The following ETV4 variants were observed in gnomAD, a reference collection of about 807,000 sequenced individuals.
ETV4 encodes ETS variant transcription factor 4.
Under a neutral mutation model 65.9 loss-of-function variants are expected in ETV4, and 42 were observed. The ratio of observed to expected loss-of-function variants is 0.64; its 90% confidence interval spans 0.50 to 0.82. The LOEUF (loss-of-function observed/expected upper bound fraction) is 0.82. Ranked by LOEUF, ETV4 falls within the 40% of genes least tolerant of loss-of-function variation. The pLI, the probability that ETV4 is intolerant of heterozygous loss-of-function variation, is 0.00. For missense variants in ETV4, 583 were observed against 630.3 expected (o/e 0.92, Z 0.80); for synonymous variants, 238 against 260.0 (o/e 0.92, Z 0.81).
chr17:43,533,469 G>T, intron 6 of ETV4, 121 bp from the exon 7 acceptor site: 1 of 968,370 alleles, frequency 1.0e-6, no homozygotes, highest in Non-Finnish European at 1.5e-6. Context: ...AGAGGGGGCT[G>T]AGAAGGGAAC....
intron 4 of ETV4, 138 bp from the exon 5 acceptor site, chr17:43,536,617 G>T: frequency 1.5e-6 from 1 of 677,990 alleles, no homozygotes; most frequent in South Asian, 1.7e-5. Flanking sequence ...CACATTGTAA[G>T]AATTGTCTTG....
rs1971709296 is a variant in ETV4 at position 43,544,677 on chromosome 17, A to C, written c.202+298T>G. Reference sequence around the variant, plus strand: ...ACAAATGAAAATTTCAACCAGGAAAATGGGCCTGGGGCCAAGTTCCATTCA... The same window carrying C: ...ACAAATGAAAATTTCAACCAGGAAACTGGGCCTGGGGCCAAGTTCCATTCA... On this transcript the variant is annotated intron_variant, in intron 4 of 12. Transcript: ENST00000319349. 9 of 284,618 alleles carry C rather than the reference A, an allele frequency of 3.2e-5. No individual in the cohort carries two copies. The South Asian group carries it at 7.6e-4, about 24-fold the overall frequency. The allele number at this position is 284,618 out of a possible 1,614,324, so 17.6% of individuals were successfully genotyped here. A position where few individuals can be genotyped will look rare whatever the true frequency, so the allele number is the denominator to read the frequency against.
chr17:43,529,394 T>A, intron 11 of ETV4, 110 bp downstream of exon 11: 1 of 1,433,812 alleles, frequency 7.0e-7, no homozygotes, highest in Non-Finnish European at 9.6e-7. Context: ...AGAATTCAGG[T>A]TAGGTAAAGC....
chr17:43,534,110 GTATC>G, intron 5 of ETV4, 125 bp from the exon 6 acceptor site: 1 of 1,087,910 alleles, frequency 9.2e-7, no homozygotes, highest in Non-Finnish European at 1.2e-6. Flanking sequence ...CCCTCTCTGG[GTATC>G]AATTTTCTGA....
chr17:43,545,931 GA>G, intron 1 of ETV4: 2 of 502,700 alleles, frequency 4.0e-6, no homozygotes, highest in East Asian at 3.7e-5. Context: ...GGTTACATAA[GA>G]ACGTGTGTGT....
intron 5 of ETV4, among the ~76,000 whole-genome samples, chr17:43,534,382 T>G (rs1463341889): frequency 6.6e-6 from 1 of 151,942 alleles, no homozygotes; most frequent in Non-Finnish European, 1.5e-5. Flanking sequence ...TAGTCCCAGC[T>G]ACTCAGGAGG....
intron 3 of ETV4, 25 bp downstream of exon 3, chr17:43,545,249 G>T: frequency 2.1e-6 from 3 of 1,404,288 alleles, no homozygotes; most frequent in Non-Finnish European, 3.0e-6. Flanking sequence ...GAGGAGGGTC[G>T]CGGTTTGTCT....
rs1363687995 is a variant in ETV4, at chr17:43,529,924, T to C, written c.915A>G (p.Pro305=). ...GGACAACGCAGACATCATCTGGGAA[T>C]GGTCGCAGAGGTTTCTCATAGCCAT... is the stretch of plus-strand genomic sequence containing the variant. ...MGYGYEKPLR[P]FPDDVCVVPE... Residue 305 remains proline, a synonymous_variant, in exon 10 of 13, where the codon CCA becomes CCG. Coordinates refer to ENST00000319349, the MANE Select transcript of ETV4 (RefSeq NM_001079675.5). The C allele has an allele frequency of 6.2e-7, 1 of 1,614,110 alleles. No individual in the cohort carries two copies. Among genetic ancestry groups the C allele is most frequent in the South Asian group, 1.1e-5 (1 of 91,084 alleles).
Position 43,545,686 on chromosome 17 carries a change from T to C in ETV4, c.-51-18A>G, listed in dbSNP as rs971795442. ...GCCGAGACCTGGTGGGGGAGGGGGC[T>C]GCGTTCGCACACCGTCCAGGGAGGG... On this transcript the variant is annotated intron_variant, in intron 1 of 12. Transcript: ENST00000319349. The C allele has an allele frequency of 1.8e-5, 24 of 1,359,170 alleles. No individual in the cohort carries two copies. The African/African-American group carries it at 3.2e-4, about 18-fold the overall frequency. The allele number at this position is 1,359,170 out of a possible 1,614,324, so 84.2% of individuals were successfully genotyped here.
Position 43,528,721 on chromosome 17 carries a change from T to C in ETV4, c.1253A>G (p.Tyr418Cys). 6.2e-7 allele frequency: 1 copy of C among 1,614,108 alleles called. No homozygotes were observed. The highest frequency in any genetic ancestry group is 8.5e-7 in the Non-Finnish European group (1 of 1,180,006). Residue 418 changes from tyrosine to cysteine, a missense_variant, in exon 13 of 13, where the codon TAC becomes TGC. Tyr to Cys is a radical substitution (Grantham distance 194). Transcript: ENST00000319349. ...GGCCTCGGGCTCACACACAAACTTG[T>C]ACACGTAACGCTCACCAGCCACCTA... ...MQKVAGERYVYKFVCEPEALF... is the reference protein window; with the variant it reads ...MQKVAGERYVCKFVCEPEALF...
At chr17:43,529,982 T>G (rs372672077) in intron 9 of ETV4, 30 bp from the exon 10 acceptor site, 1 of 1,613,828 alleles carries the variant, frequency 6.2e-7, no homozygotes, top group African/African-American at 1.3e-5. Flanking sequence ...GTTGCTCAGA[T>G]CTGGGGGTTC....
chr17:43,533,240 T>A lies in ETV4; in HGVS notation c.492A>T (p.Arg164Ser). The change falls in exon 7 of 13, where the codon AGA becomes AGT. Residue 164 changes from arginine to serine, a missense_variant. Transcript: ENST00000319349. ...GGTGGGGCTGGGAGGTGCCAGAGGA[T>A]CTCAGGAAATTCCGTTGCTCTGCCC... ...FPRAEQRNFL[R>S]SSGTSQPHPG... 6.2e-7 allele frequency: 1 copy of A among 1,613,756 alleles called. No individual in the cohort carries two copies. The highest frequency in any genetic ancestry group is 1.7e-5 in the Admixed American group (1 of 59,998).
chr17:43,532,786 CAGGG>C lies in ETV4; in HGVS notation c.695_698del (p.Pro232ArgfsTer26), dbSNP rs1441985504. 1 of 1,614,012 alleles carries C rather than the reference CAGGG, an allele frequency of 6.2e-7. No individual in the cohort carries two copies. Among genetic ancestry groups the C allele is most frequent in the East Asian group, 2.2e-5 (1 of 44,836 alleles). On this transcript the variant is annotated frameshift_variant, in exon 8 of 13. Transcript: ENST00000319349. LOFTEE classifies it high-confidence loss of function. ...CGGCTGGCTGGCCCGCCTGTTCATA[CAGGG>C]GATCATGGTATTCTTGCTTAAAGCT...
At chr17:43,530,578 C>T (rs1192225873) in intron 8 of ETV4, 11 of 455,538 alleles carry the variant, frequency 2.4e-5, no homozygotes, top group Non-Finnish European at 3.9e-5. Flanking sequence ...GTCCGGTCAG[C>T]AGGTCAGGTT....
chr17:43,536,540 C>G, intron 4 of ETV4, 61 bp from the exon 5 acceptor site: 1 of 1,468,796 alleles, frequency 6.8e-7, no homozygotes, highest in Non-Finnish European at 9.5e-7. Flanking sequence ...TGGGAGGCTC[C>G]ATTATTACAG....
Position 43,528,091 on chromosome 17 carries a change from A to G in ETV4, c.*428T>C, listed in dbSNP as rs1970674650. The G allele has an allele frequency of 4.2e-6, 1 of 236,258 alleles. No homozygotes were observed. The highest frequency in any genetic ancestry group is 8.3e-6 in the Non-Finnish European group (1 of 120,128). 14.6% of individuals were successfully genotyped at this position (236,258 alleles called of 1,614,324 possible). On this transcript the variant is annotated 3_prime_UTR_variant, in exon 13 of 13. Coordinates refer to ENST00000319349, the MANE Select transcript of ETV4 (RefSeq NM_001079675.5). ...ACCCTCCAGGGCCACAGCGTGGGGC[A>G]GAGTCCAGGCTTCTGTCTCCCCGCA...
rs151095895 is a variant in ETV4 at position 43,533,899 on chromosome 17, G to A, written c.343C>T (p.Pro115Ser). 309 of 1,596,752 alleles carry A rather than the reference G, an allele frequency of 1.9e-4. No homozygotes were observed. In the African/African-American group the frequency reaches 3.2e-3, roughly 16 times the overall value. ...DPALSCSRKP[P>S]LPYHHGEQCL... ...TGCTCGCCATGGTGGTAGGGGAGTG[G>A]CGGCTTCCTGCTGCAGGACAGGGCC... Residue 115 changes from proline (P) to serine (S), a missense_variant, in exon 6 of 13, where the codon CCA (proline) becomes TCA (serine). Physicochemically the swap from Pro to Ser is moderately conservative, Grantham distance 74 (BLOSUM62 -1). Coordinates refer to ENST00000319349, the MANE Select transcript of ETV4 (RefSeq NM_001079675.5).
At chr17:43,531,095 T>G (rs866619708) in intron 8 of ETV4, among the ~76,000 whole-genome samples, 15 of 152,160 alleles carry the variant, frequency 9.9e-5, no homozygotes, top group African/African-American at 3.4e-4. Flanking sequence ...GCCCTGGATT[T>G]GAGGACAGGA....
chr17:43,528,532 C>G lies in ETV4; in HGVS notation c.1442G>C (p.Gly481Ala). 1 of 1,608,668 alleles carries G rather than the reference C, an allele frequency of 6.2e-7. No homozygotes were observed. Among genetic ancestry groups the G allele is most frequent in the African/African-American group, 1.3e-5 (1 of 74,888 alleles). The change falls in exon 13 of 13, where the codon GGC becomes GCC. Residue 481 changes from glycine to alanine, a missense_variant. Physicochemically the swap from Gly to Ala is moderately conservative, Grantham distance 60 (BLOSUM62 0). Coordinates refer to ENST00000319349, the MANE Select transcript of ETV4 (RefSeq NM_001079675.5). ...GPAQPFGPKGGYSY is the reference protein window; with the variant it reads ...GPAQPFGPKGAYSY Reference sequence around the variant, plus strand: ...AGCCGCTGGGGGCTAGTAAGAGTAGCCACCCTTGGGGCCAAATGGCTGGGC... The same window carrying G: ...AGCCGCTGGGGGCTAGTAAGAGTAGGCACCCTTGGGGCCAAATGGCTGGGC...
Sources: allele counts gnomAD v4.1 joint callset (sites outside exome capture counted in the v4.1 genomes callset), GRCh38; gene constraint gnomAD v4.1.1; transcripts MANE v1.5; gene names NCBI Gene and HGNC (gene_info 2026-07-23, HGNC 2026-07-21).